TENM2: variants seen among roughly 807,000 people sequenced by gnomAD.
TENM2 encodes teneurin transmembrane protein 2, also known as teneurin-2.
TENM2 carries 52 observed loss-of-function variants against 245.2 expected under a neutral mutation model. The ratio of observed to expected loss-of-function variants is 0.21; its 90% CI spans 0.17 to 0.27. The LOEUF is 0.27. Among genes scored for constraint, TENM2 ranks in the 10% least tolerant of loss-of-function variants. The pLI is 1.00. For missense variants in TENM2, 3,046 were observed against 3,666.8 expected, an observed-to-expected ratio of 0.83 and a Z score of 4.37; for synonymous variants, 1,363 against 1,438.9, an observed-to-expected ratio of 0.95 and a Z score of 1.19.
chr5:167,908,812 G>A (rs1234919517), intron 3 of TENM2, among the ~76,000 whole-genome samples: 2 of 151,630 alleles, frequency 1.3e-5, no homozygotes, highest in African/African-American at 2.4e-5. Flanking sequence ...TCCAGCCAGA[G>A]TGTATTGCTT....
chr5:167,953,188 A>G (rs1780257950), intron 4 of TENM2, among the ~76,000 whole-genome samples: 1 of 152,218 alleles, frequency 6.6e-6, no homozygotes, highest in African/African-American at 2.4e-5. Flanking sequence ...TGAAGTAATA[A>G]ATGAAGACTC....
At chr5:167,738,521 G>A (rs1380520402) in intron 2 of TENM2, among the ~76,000 whole-genome samples, 1 of 152,156 alleles carries the variant, frequency 6.6e-6, no homozygotes, top group African/African-American at 2.4e-5. Context: ...CTTCTTCATT[G>A]CAGCCCTAGT....
At chr5:168,257,074 G>A (rs1767731636) in intron 27 of TENM2, among the ~76,000 whole-genome samples, 2 of 152,280 alleles carry the variant, frequency 1.3e-5, no homozygotes, top group South Asian at 4.1e-4. Flanking sequence ...GCCAGGCATT[G>A]TTGTAGGGCC....
chr5:168,118,246 G>A, intron 9 of TENM2, 46 bp from the exon 12 acceptor site: 1 of 1,437,840 alleles, frequency 7.0e-7, no homozygotes, highest in Non-Finnish European at 9.3e-7. Context: ...TAGCCCCTCG[G>A]ATGCTGGCCC....
intron 4 of TENM2, among the ~76,000 whole-genome samples, chr5:167,960,074 C>T (rs1780882305): frequency 6.6e-6 from 1 of 152,254 alleles, no homozygotes; most frequent in African/African-American, 2.4e-5. Flanking sequence ...GAAGCTTCGC[C>T]CAGAGGGCTA....
intron 3 of TENM2, 31 bp from the exon 6 acceptor site, chr5:167,952,557 C>T (rs1356004372): frequency 1.9e-6 from 3 of 1,551,140 alleles, no homozygotes; most frequent in Non-Finnish European, 1.8e-6. Flanking sequence ...AATTTGCAGA[C>T]GCTAACAGTC....
At chr5:167,702,162 T>A (rs917774202) in intron 2 of TENM2, among the ~76,000 whole-genome samples, 2 of 152,190 alleles carry the variant, frequency 1.3e-5, no homozygotes, top group African/African-American at 4.8e-5. Context: ...AAGGTTTACA[T>A]CAAATATAAT....
At chr5:168,078,138 T>G (rs976485707) in intron 7 of TENM2, among the ~76,000 whole-genome samples, 8 of 152,320 alleles carry the variant, frequency 5.3e-5, no homozygotes, top group Middle Eastern at 3.4e-3. Flanking sequence ...TATGAGATGG[T>G]ATCTCATTGT....
intron 13 of TENM2, among the ~76,000 whole-genome samples, chr5:168,187,959 GA>G (rs1760622705): frequency 6.6e-6 from 1 of 152,140 alleles, no homozygotes; most frequent in South Asian, 2.1e-4. Context: ...GCATTTCTAG[GA>G]AATTGTGTAA....
intron 2 of TENM2, among the ~76,000 whole-genome samples, chr5:167,841,022 G>A (rs1769461348): frequency 6.6e-6 from 1 of 151,720 alleles, no homozygotes; most frequent in Non-Finnish European, 1.5e-5. Flanking sequence ...TCCATTCATT[G>A]GAAGAATAGG....
the TENM2 span, among the ~76,000 whole-genome samples, chr5:167,077,644 A>G: frequency 6.6e-6 from 1 of 152,162 alleles, no homozygotes; most frequent in East Asian, 1.9e-4. Context: ...TTAAATTCCC[A>G]TTGTCACTTA....
At chr5:167,030,472 T>C in the TENM2 span, among the ~76,000 whole-genome samples, 1 of 152,096 alleles carries the variant, frequency 6.6e-6, no homozygotes, top group African/African-American at 2.4e-5. Context: ...CCCAGCGCTT[T>C]CTCTCTTTTT....
intron 2 of TENM2, among the ~76,000 whole-genome samples, chr5:167,580,820 C>T (rs1324230366): frequency 6.6e-6 from 1 of 152,176 alleles, no homozygotes; most frequent in African/African-American, 2.4e-5. Context: ...GAAATCTCAT[C>T]TCTACAACAA....
intron 2 of TENM2, among the ~76,000 whole-genome samples, chr5:167,704,938 G>A (rs571752875): frequency 6.6e-6 from 1 of 152,314 alleles, no homozygotes; most frequent in East Asian, 1.9e-4. Context: ...TGGAGCTGGA[G>A]TGTATTGATT....
rs1396084285 is a variant in TENM2, at chr5:167,736,311, G to A, written c.503-139675G>A. 2.6e-5 allele frequency among the ~76,000 whole-genome samples: 4 copies of A among 152,118 alleles called. No individual in the cohort carries two copies. The East Asian group carries it at 7.7e-4, about 29-fold the overall frequency. On this transcript the variant is annotated intron_variant, in intron 2 of 28. Coordinates refer to ENST00000518659, the Ensembl canonical transcript of TENM2. ...CCTGGTCCCTCCCATGACACGTGAG[G>A]ATTATGGGAACTACAATTCAAGATG...
chr5:167,360,732 TC>T, intron 1 of TENM2, among the ~76,000 whole-genome samples: 1 of 152,348 alleles, frequency 6.6e-6, no homozygotes, highest in African/African-American at 2.4e-5. Flanking sequence ...TGTTTTCTAG[TC>T]ACAGATAACT....
At chr5:168,240,520 C>T (rs1408621172) in intron 25 of TENM2, among the ~76,000 whole-genome samples, 1 of 152,072 alleles carries the variant, frequency 6.6e-6, no homozygotes, top group Non-Finnish European at 1.5e-5. Context: ...TAATGCCTGC[C>T]TGAGAGTGTT....
intron 5 of TENM2, among the ~76,000 whole-genome samples, chr5:168,036,126 A>T (rs1787642406): frequency 6.6e-6 from 1 of 152,078 alleles, no homozygotes; most frequent in Non-Finnish European, 1.5e-5. Context: ...TGGCTTGGGG[A>T]TTTCCATGGA....
At chr5:168,186,309 C>T (rs1175377205) in intron 13 of TENM2, 1 of 152,148 alleles carries the variant, frequency 6.6e-6, no homozygotes, top group Non-Finnish European at 1.5e-5. Flanking sequence ...AAGAATCTCT[C>T]TGATTTGCTT....
Sources: gnomAD v4.1 joint callset for allele counts (sites outside exome capture counted in the v4.1 genomes callset) on GRCh38, gnomAD v4.1.1 for gene constraint, MANE v1.5 for transcripts, NCBI Gene and HGNC (gene_info 2026-07-23, HGNC 2026-07-21) for gene names.